Variants in SLC2A13 observed in about 807,000 individuals in gnomAD.
SLC2A13 encodes the protein solute carrier family 2 member 13, also known as proton myo-inositol cotransporter.
Under a neutral mutation model 64.4 loss-of-function variants are expected in SLC2A13, and 32 were observed. The ratio of observed to expected loss-of-function variants is 0.50; its 90% CI spans 0.37 to 0.67. SLC2A13 has a LOEUF of 0.67. Ranked by LOEUF, SLC2A13 falls within the 30% of genes least tolerant of loss-of-function variation. The probability of loss-of-function intolerance (pLI) is 0.00; values close to 1 mark genes in which losing one functional copy is unlikely to be tolerated. For missense variants in SLC2A13, 743 were observed against 829.2 expected (o/e 0.90, Z 1.28); for synonymous variants, 338 against 327.1 (o/e 1.03, Z -0.36).
At chr12:40,030,066 A>G (rs574796128) in intron 2 of SLC2A13, among the ~76,000 whole-genome samples, 32 of 152,356 alleles carry the variant, frequency 2.1e-4, no homozygotes, top group African/African-American at 5.8e-4. Flanking sequence ...GAAATAACAC[A>G]TAAGCACCTG....
At chr12:39,941,312 G>C (rs530887291) in intron 4 of SLC2A13, among the ~76,000 whole-genome samples, 17 of 152,196 alleles carry the variant, frequency 1.1e-4, no homozygotes, top group African/African-American at 3.6e-4. Flanking sequence ...TGGATCAAAT[G>C]GTAGTTCTAC....
chr12:40,087,259 C>T (rs1430935371), intron 1 of SLC2A13, among the ~76,000 whole-genome samples: 1 of 152,162 alleles, frequency 6.6e-6, no homozygotes, highest in East Asian at 1.9e-4. Flanking sequence ...ACTCTTGAAG[C>T]TACTTTCAAG....
intron 7 of SLC2A13, among the ~76,000 whole-genome samples, chr12:39,784,257 G>T (rs1485212573): frequency 6.6e-6 from 1 of 152,136 alleles, no homozygotes; most frequent in Admixed American, 6.5e-5. Flanking sequence ...AAAAGAGCCC[G>T]CATTGCCAAG....
intron 7 of SLC2A13, among the ~76,000 whole-genome samples, chr12:39,800,319 G>C (rs897130521): frequency 1.8e-4 from 27 of 152,310 alleles, no homozygotes; most frequent in African/African-American, 5.5e-4. Flanking sequence ...GTATTTCCAA[G>C]GGGGGATTGA....
intron 3 of SLC2A13, among the ~76,000 whole-genome samples, chr12:39,980,562 C>A (rs1277418698): frequency 6.6e-6 from 1 of 151,380 alleles, no homozygotes; most frequent in Non-Finnish European, 1.5e-5. Context: ...CAACAAAGAT[C>A]AAAAGAGACA....
intron 3 of SLC2A13, among the ~76,000 whole-genome samples, chr12:40,006,546 T>C (rs1186332427): frequency 6.6e-6 from 1 of 152,186 alleles, no homozygotes; most frequent in Non-Finnish European, 1.5e-5. Flanking sequence ...AATGAAAATA[T>C]AGTAACAAAA....
chr12:39,818,204 C>G (rs1261486816), intron 7 of SLC2A13, among the ~76,000 whole-genome samples: 1 of 152,010 alleles, frequency 6.6e-6, no homozygotes, highest in African/African-American at 2.4e-5. Context: ...TTCCTAAAAT[C>G]ATCTGATTCC....
chr12:39,957,318 G>A (rs2136108739), intron 3 of SLC2A13, among the ~76,000 whole-genome samples: 1 of 152,252 alleles, frequency 6.6e-6, no homozygotes, highest in East Asian at 1.9e-4. Flanking sequence ...CAAATGCCAA[G>A]ATATTTTGTA....
Position 40,028,443 on chromosome 12 carries a change from T to G in SLC2A13, c.783A>C (p.Glu261Asp). 1 of 1,613,998 alleles carries G rather than the reference T, an allele frequency of 6.2e-7. No individual in the cohort carries two copies. The highest frequency in any genetic ancestry group is 8.5e-7 in the Non-Finnish European group (1 of 1,179,964). The part of the protein sequence containing the change: ...IQFFGFLFLP[E>D]SPRWLIQKGQ... ...CTTTCTGAATAAGCCATCGAGGGCT[T>G]TCAGGCAAAAAGAGAAAGCCAAAAA... is the stretch of plus-strand genomic sequence containing the variant. The change falls in exon 3 of 10, where the codon GAA (glutamate) becomes GAC (aspartate). Residue 261 changes from glutamate to aspartate, a missense_variant. Physicochemically the swap from Glu to Asp is conservative, Grantham distance 45. Transcript: ENST00000280871.
intron 3 of SLC2A13, among the ~76,000 whole-genome samples, chr12:40,002,848 T>TAAAAAA (rs34891399): frequency 6.7e-6 from 1 of 148,862 alleles, no homozygotes. Flanking sequence ...TATATTCCCC[T>TAAAAAA]AAAAAAAAAA....
At chr12:40,050,056 A>G (rs1171151824) in intron 1 of SLC2A13, among the ~76,000 whole-genome samples, 1 of 152,186 alleles carries the variant, frequency 6.6e-6, no homozygotes, top group Non-Finnish European at 1.5e-5. Context: ...AATCAATTTA[A>G]TAACACAGAC....
chr12:39,984,073 G>A (rs1388776217), intron 3 of SLC2A13, among the ~76,000 whole-genome samples: 18 of 151,528 alleles, frequency 1.2e-4, no homozygotes, highest in Non-Finnish European at 1.8e-4. Context: ...GTAAACTATC[G>A]CAAGAAGAAA....
chr12:39,867,390 C>T (rs1301086917), intron 5 of SLC2A13, among the ~76,000 whole-genome samples: 1 of 151,548 alleles, frequency 6.6e-6, no homozygotes, highest in African/African-American at 2.4e-5. Context: ...TATAAAGATT[C>T]AAATAAATAT....
In SLC2A13 at chr12:39,873,282, T is replaced by G. The variant is rs551568432; in HGVS notation, c.1035-1321A>C. ...CTGTTGCAAAAAGAGAAATTCCCAG[T>G]GGAATTACTCCCATCATCATGAAAA... On this transcript the variant is annotated intron_variant, in intron 4 of 9. Coordinates refer to ENST00000280871, the MANE Select transcript of SLC2A13 (RefSeq NM_052885.4). Among the ~76,000 whole-genome samples, 5 of 152,318 alleles carry G rather than the reference T, an allele frequency of 3.3e-5. No individual in the cohort carries two copies. The South Asian group carries it at 8.3e-4, about 25-fold the overall frequency.
intron 7 of SLC2A13, among the ~76,000 whole-genome samples, chr12:39,794,938 C>G (rs1251418944): frequency 6.6e-6 from 1 of 152,122 alleles, no homozygotes; most frequent in Non-Finnish European, 1.5e-5. Context: ...TTTTTCCACC[C>G]TCCTTAGCTG....
chr12:40,051,088 T>G (rs1026393158), intron 1 of SLC2A13, among the ~76,000 whole-genome samples: 4 of 151,938 alleles, frequency 2.6e-5, no homozygotes, highest in African/African-American at 9.7e-5. Context: ...TAAAATAGGG[T>G]CCCTGCTATG....
At chr12:39,797,846 A>T (rs1278143544) in intron 7 of SLC2A13, among the ~76,000 whole-genome samples, 1 of 152,038 alleles carries the variant, frequency 6.6e-6, no homozygotes, top group Non-Finnish European at 1.5e-5. Flanking sequence ...CATAAAAGTT[A>T]TTGTTTTAAT....
intron 3 of SLC2A13, among the ~76,000 whole-genome samples, chr12:40,016,078 TTTAAA>T (rs752136446): frequency 1.3e-5 from 2 of 152,206 alleles, no homozygotes; most frequent in Non-Finnish European, 1.5e-5. Context: ...GTAATAAAAC[TTTAAA>T]TTATATTATT....
At chr12:39,997,799 C>G (rs1297143916) in intron 3 of SLC2A13, among the ~76,000 whole-genome samples, 1 of 152,070 alleles carries the variant, frequency 6.6e-6, no homozygotes, top group Non-Finnish European at 1.5e-5. Context: ...CCACTGCACT[C>G]CAGCCTGGGT....
Sources: allele counts gnomAD v4.1 joint callset (sites outside exome capture counted in the v4.1 genomes callset), GRCh38; gene constraint gnomAD v4.1.1; transcripts MANE v1.5; gene names NCBI Gene and HGNC (gene_info 2026-07-23, HGNC 2026-07-21).